ARHGEF10L: variants seen among roughly 807,000 people sequenced by gnomAD.
ARHGEF10L encodes rho guanine nucleotide exchange factor 10-like protein.
In ARHGEF10L, 69 loss-of-function variants were observed where a neutral mutation model predicts 141.2. That is an observed-to-expected ratio of 0.49 (90% CI 0.40 to 0.60). ARHGEF10L has a LOEUF of 0.60. ARHGEF10L is among the 20% of genes least tolerant of loss of function. The pLI, the probability that ARHGEF10L is intolerant of heterozygous loss-of-function variation, is 0.00. For synonymous variants in ARHGEF10L, 711 were observed against 718.5 expected, an observed-to-expected ratio of 0.99 and a Z score of 0.17; for missense variants, 1,482 against 1,734.3, an observed-to-expected ratio of 0.85 and a Z score of 2.58.
chr1:17,598,382 G>A (rs895830350), intron 4 of ARHGEF10L, among the ~76,000 whole-genome samples: 11 of 152,146 alleles, frequency 7.2e-5, no homozygotes, highest in Non-Finnish European at 1.2e-4. Flanking sequence ...GATTAGAGGC[G>A]TGAGCCACCA....
chr1:17,564,519 C>T (rs2077671793), intron 1 of ARHGEF10L, among the ~76,000 whole-genome samples: 1 of 152,162 alleles, frequency 6.6e-6, no homozygotes, highest in African/African-American at 2.4e-5. Context: ...GCACAGGAGC[C>T]CAGCTGACTG....
At chr1:17,544,972 GA>G (rs1250512269) in intron 1 of ARHGEF10L, among the ~76,000 whole-genome samples, 2 of 152,084 alleles carry the variant, frequency 1.3e-5, no homozygotes, top group Non-Finnish European at 2.9e-5. Context: ...ACAGCATGGG[GA>G]AAACCTGCCC....
At chr1:17,602,053 A>C (rs2080732013) in intron 4 of ARHGEF10L, 74 bp from the exon 5 acceptor site, 1 of 1,356,372 alleles carries the variant, frequency 7.4e-7, no homozygotes, top group African/African-American at 1.5e-5. Context: ...TGTCCCGCTG[A>C]CCAGGTGAGG....
At chr1:17,611,733 A>T (rs2059561098) in intron 7 of ARHGEF10L, among the ~76,000 whole-genome samples, 1 of 152,168 alleles carries the variant, frequency 6.6e-6, no homozygotes, top group African/African-American at 2.4e-5. Context: ...TGGCCACTTT[A>T]CCAGTGAGGA....
intron 1 of ARHGEF10L, among the ~76,000 whole-genome samples, chr1:17,543,748 A>G (rs2076815375): frequency 6.6e-6 from 1 of 151,822 alleles, no homozygotes; most frequent in East Asian, 1.9e-4. Context: ...CCTGGTTTCA[A>G]GTGATTCTCC....
rs756800111 is a variant in ARHGEF10L, at chr1:17,587,522, G to A, written c.100G>A (p.Ala34Thr). 1 of 1,614,220 alleles carries A rather than the reference G, an allele frequency of 6.2e-7. No homozygotes were observed. The highest frequency in any genetic ancestry group is 8.5e-7 in the Non-Finnish European group (1 of 1,180,032). ...TGAGGCAGAGGACGACCCAGGAGAG[G>A]CGTTTGAGTTTGATGACAGTGATGA... ...SSEAEDDPGE[A>T]FEFDDSDDEE... The change falls in exon 3 of 29, where the codon GCG becomes ACG. Residue 34 changes from alanine to threonine, a missense_variant. Ala to Thr is a moderately conservative substitution (Grantham distance 58). Transcript: ENST00000361221.
intron 23 of ARHGEF10L, among the ~76,000 whole-genome samples, chr1:17,655,142 C>A (rs904295264): frequency 1.3e-5 from 2 of 152,144 alleles, no homozygotes; most frequent in African/African-American, 4.8e-5. Flanking sequence ...AGGTACCCTC[C>A]ACTATGTTCC....
chr1:17,583,283 G>T (rs969478557), intron 2 of ARHGEF10L, among the ~76,000 whole-genome samples: 2 of 151,632 alleles, frequency 1.3e-5, no homozygotes, highest in South Asian at 4.2e-4. Context: ...GCCTGAGGCC[G>T]GGTCTTGCCT....
chr1:17,631,090 G>T (rs556780119), intron 15 of ARHGEF10L, among the ~76,000 whole-genome samples: 2 of 151,142 alleles, frequency 1.3e-5, no homozygotes, highest in South Asian at 2.1e-4. Flanking sequence ...GGTTGCCTGG[G>T]GGTGATCTGT....
At chr1:17,605,091 A>G (rs552430509) in intron 6 of ARHGEF10L, among the ~76,000 whole-genome samples, 4 of 152,090 alleles carry the variant, frequency 2.6e-5, no homozygotes, top group Admixed American at 6.5e-5. Flanking sequence ...AGTTTTGGAG[A>G]TGCTTTTCAC....
At chr1:17,516,991 T>C in the ARHGEF10L span, among the ~76,000 whole-genome samples, 1,190 of 152,316 alleles carry the variant, frequency 7.8e-3, 15 homozygotes, top group African/African-American at 0.026. Flanking sequence ...TGTATTCCTA[T>C]TTCATAATCA....
rs1309889878 is a variant in ARHGEF10L at position 17,603,664 on chromosome 1, T to C, written c.433+73T>C. The C allele has an allele frequency of 7.3e-7, 1 of 1,373,306 alleles. No homozygotes were observed. Among genetic ancestry groups the C allele is most frequent in the Non-Finnish European group, 9.9e-7 (1 of 1,007,310 alleles). 85.1% of individuals were successfully genotyped at this position (1,373,306 alleles called of 1,614,324 possible). A position where few individuals can be genotyped will look rare whatever the true frequency, so the allele number is the denominator to read the frequency against. On this transcript the variant is annotated intron_variant, in intron 6 of 28. Coordinates refer to ENST00000361221, the MANE Select transcript of ARHGEF10L (RefSeq NM_018125.4). The surrounding 1 kb of genome is among the most constrained non-coding windows in gnomAD (Gnocchi z 4.8). Reference sequence around the variant, plus strand: ...GAGGCTGGGACTGGGGAGGGTTGTCTCTTTCCGTTTCCTTCTGTCCCCACC... The same window carrying C: ...GAGGCTGGGACTGGGGAGGGTTGTCCCTTTCCGTTTCCTTCTGTCCCCACC...
intron 26 of ARHGEF10L, among the ~76,000 whole-genome samples, chr1:17,682,643 C>T (rs965184842): frequency 6.6e-6 from 1 of 152,084 alleles, no homozygotes; most frequent in African/African-American, 2.4e-5. Context: ...AACCTAACAG[C>T]ACGGTTTCTG....
At chr1:17,682,847 C>T (rs931553365) in intron 26 of ARHGEF10L, among the ~76,000 whole-genome samples, 2 of 152,122 alleles carry the variant, frequency 1.3e-5, no homozygotes, top group African/African-American at 4.8e-5. Context: ...CCAGACCAGC[C>T]AAGGATGAGG....
At chr1:17,533,090 T>A in the ARHGEF10L span, among the ~76,000 whole-genome samples, 2 of 152,142 alleles carry the variant, frequency 1.3e-5, no homozygotes, top group African/African-American at 4.8e-5. Flanking sequence ...GCTTCTTGGC[T>A]TTCAAGAAAT....
chr1:17,645,665 C>T (rs1287477121), intron 21 of ARHGEF10L, among the ~76,000 whole-genome samples: 1 of 152,188 alleles, frequency 6.6e-6, no homozygotes, highest in Non-Finnish European at 1.5e-5. Flanking sequence ...CAAGAGGCAG[C>T]ATGGCGAGCG....
chr1:17,697,442 C>T lies in ARHGEF10L; in HGVS notation c.*62C>T, dbSNP rs555013866. The T allele has an allele frequency of 3.6e-5, 55 of 1,524,036 alleles. No homozygotes were observed. The highest frequency in any genetic ancestry group is 1.2e-4 in the South Asian group (9 of 78,192). 94.4% of individuals were successfully genotyped at this position (1,524,036 alleles called of 1,614,324 possible). A position where few individuals can be genotyped will look rare whatever the true frequency, so the allele number is the denominator to read the frequency against. On this transcript the variant is annotated 3_prime_UTR_variant, in exon 29 of 29. Coordinates refer to ENST00000361221, the MANE Select transcript of ARHGEF10L (RefSeq NM_018125.4). The surrounding 1 kb of genome is among the most constrained non-coding windows in gnomAD (Gnocchi z 4.8). ...CCTGACCAAGGCCACGCCCGGCTCT[C>T]GTGCTCTAGGACCTGCACGGGACTT...
At chr1:17,668,206 A>G (rs1342714746) in intron 26 of ARHGEF10L, among the ~76,000 whole-genome samples, 1 of 152,202 alleles carries the variant, frequency 6.6e-6, no homozygotes. Flanking sequence ...GCATTGCTGT[A>G]TATGTCGTTT....
chr1:17,537,903 G>A (rs2076601638), upstream of ARHGEF10L, among the ~76,000 whole-genome samples: 1 of 150,540 alleles, frequency 6.6e-6, no homozygotes, highest in Non-Finnish European at 1.5e-5. Context: ...AATGAGCCAG[G>A]CATGGCTACC....
Sources: allele counts gnomAD v4.1 joint callset (sites outside exome capture counted in the v4.1 genomes callset), GRCh38; gene constraint gnomAD v4.1.1; non-coding constraint Gnocchi (gnomAD v3.1); transcripts MANE v1.5; gene names NCBI Gene and HGNC (gene_info 2026-07-23, HGNC 2026-07-21).